Variants in TMEFF2 observed in about 807,000 individuals in gnomAD.
TMEFF2 encodes the protein transmembrane protein with EGF like and two follistatin like domains 2.
In TMEFF2, 28 loss-of-function variants were observed where a neutral mutation model predicts 53.8. The ratio of observed to expected loss-of-function variants is 0.52; its 90% confidence interval spans 0.39 to 0.71. TMEFF2 has a LOEUF of 0.71. Ranked by LOEUF, TMEFF2 falls within the 30% of genes least tolerant of loss-of-function variation. The pLI, the probability that TMEFF2 is intolerant of heterozygous loss-of-function variation, is 0.00. For missense variants in TMEFF2, 353 were observed against 455.2 expected, an observed-to-expected ratio of 0.78 and a Z score of 2.04; for synonymous variants, 162 against 166.3, an observed-to-expected ratio of 0.97 and a Z score of 0.20.
chr2:191,953,455 ATCTT>A (rs1212358708), intron 9 of TMEFF2, among the ~76,000 whole-genome samples: 1 of 152,194 alleles, frequency 6.6e-6, no homozygotes, highest in Non-Finnish European at 1.5e-5. Flanking sequence ...AAAAAAAACA[ATCTT>A]TATCATCAGG....
chr2:192,022,080 T>A (rs1162722510), intron 5 of TMEFF2: 1 of 152,216 alleles, frequency 6.6e-6, no homozygotes, highest in African/African-American at 2.4e-5. Flanking sequence ...TACCCATTAG[T>A]CTCTGCACAT....
At chr2:192,046,570 T>G (rs1047514108) in intron 5 of TMEFF2, among the ~76,000 whole-genome samples, 8 of 152,178 alleles carry the variant, frequency 5.3e-5, no homozygotes, top group Non-Finnish European at 1.2e-4. Flanking sequence ...CACCTTCCAC[T>G]ATTATCTCTA....
In TMEFF2 at chr2:191,953,785, G is replaced by A. The variant is rs189419176; in HGVS notation, c.922C>T (p.Leu308=). 6.2e-6 allele frequency: 10 copies of A among 1,611,134 alleles called. No homozygotes were observed. In the African/African-American group the frequency reaches 8.0e-5, roughly 13 times the overall value. ...CGTACAGGACCGGGAACAACGTATA[G>A]AACACTGTAGTCCTTTTTTTCACAG... ...QHCEKKDYSV[L]YVVPGPVRFQ... is the part of the protein sequence containing the mutation. Residue 308 remains leucine (L), a synonymous_variant, in exon 9 of 10, where the codon CTA becomes TTA. Transcript: ENST00000272771.
chr2:192,190,365 GA>G (rs557436327), intron 2 of TMEFF2, among the ~76,000 whole-genome samples: 1 of 152,130 alleles, frequency 6.6e-6, no homozygotes, highest in East Asian at 1.9e-4. Flanking sequence ...GGGAAAGAAG[GA>G]AAAAATTCAC....
intron 4 of TMEFF2, among the ~76,000 whole-genome samples, chr2:192,090,923 A>G (rs1348219479): frequency 1.3e-5 from 2 of 152,152 alleles, no homozygotes; most frequent in African/African-American, 4.8e-5. Flanking sequence ...TAAAACTGGC[A>G]AGACATTACA....
chr2:192,165,305 A>G (rs1018533583), intron 4 of TMEFF2, among the ~76,000 whole-genome samples: 2 of 152,156 alleles, frequency 1.3e-5, no homozygotes, highest in Non-Finnish European at 1.5e-5. Context: ...ACACTACCTG[A>G]TGTTGCATAA....
chr2:192,053,105 G>A (rs1180318049), intron 5 of TMEFF2, among the ~76,000 whole-genome samples: 1 of 152,084 alleles, frequency 6.6e-6, no homozygotes. Flanking sequence ...ATAAACTACG[G>A]TCTTAGATTA....
At position 191,955,524 on chromosome 2, in the gene TMEFF2, ATTTT is replaced by A. The variant is rs71405028; in HGVS notation, c.869+727_869+730del. Among the ~76,000 whole-genome samples, 109 of 60,294 alleles carry A rather than the reference ATTTT, an allele frequency of 1.8e-3. 5 individuals are homozygous for A. Among genetic ancestry groups the A allele is most frequent in the African/African-American group, 6.1e-3 (92 of 15,188 alleles). The allele number at this position is 60,294 out of a possible 152,430, so 39.6% of individuals were successfully genotyped here. ...TGCCACCGTGCCTGGCTAATTCTTAATTTTTTTTTTTTTTTTTTTTTTTTAGAGA... is the reference window on the plus strand; with the variant it reads ...TGCCACCGTGCCTGGCTAATTCTTAATTTTTTTTTTTTTTTTTTTTAGAGA... On this transcript the variant is annotated intron_variant, in intron 8 of 9. Transcript: ENST00000272771.
chr2:192,168,344 C>T (rs1690821586), intron 4 of TMEFF2, among the ~76,000 whole-genome samples: 1 of 152,038 alleles, frequency 6.6e-6, no homozygotes, highest in South Asian at 2.1e-4. Flanking sequence ...CCACCCCCCA[C>T]AACTGGTTCA....
intron 4 of TMEFF2, among the ~76,000 whole-genome samples, chr2:192,075,296 T>TATATAAATATATAA (rs1559114949): frequency 3.0e-5 from 1 of 32,972 alleles, no homozygotes; most frequent in Non-Finnish European, 6.0e-5. Flanking sequence ...TATATATATA[T>TATATAAATATATAA]ATATATATAT....
chr2:192,055,774 CAAAAAAAAAAA>C (rs71405038), intron 5 of TMEFF2, among the ~76,000 whole-genome samples: 19 of 42,504 alleles, frequency 4.5e-4, no homozygotes, highest in African/African-American at 1.5e-3. Flanking sequence ...GACTCCATCT[CAAAAAAAAAAA>C]AAAAAAAAAA....
At chr2:192,134,501 C>T (rs1376786857) in intron 4 of TMEFF2, among the ~76,000 whole-genome samples, 2 of 152,174 alleles carry the variant, frequency 1.3e-5, no homozygotes, top group East Asian at 1.9e-4. Flanking sequence ...TCCTTTCCAT[C>T]GTGGAAATCT....
At chr2:191,998,462 T>G in intron 6 of TMEFF2, 141 bp from the exon 7 acceptor site, 1 of 500,964 alleles carries the variant, frequency 2.0e-6, no homozygotes, top group South Asian at 3.3e-5. Context: ...TGCATCATAC[T>G]AAGACAGATT....
intron 4 of TMEFF2, among the ~76,000 whole-genome samples, chr2:192,129,067 C>G (rs888897191): frequency 1.3e-5 from 2 of 152,132 alleles, no homozygotes; most frequent in Non-Finnish European, 2.9e-5. Flanking sequence ...AATCTTAACA[C>G]CCCCTGGCCT....
At chr2:192,071,712 T>C (rs1688297647) in intron 4 of TMEFF2, among the ~76,000 whole-genome samples, 2 of 151,906 alleles carry the variant, frequency 1.3e-5, no homozygotes, top group African/African-American at 4.8e-5. Flanking sequence ...CTACTTATAC[T>C]ACTACAATGT....
intron 5 of TMEFF2, among the ~76,000 whole-genome samples, chr2:192,040,880 A>G (rs115013389): frequency 0.014 from 2,101 of 152,284 alleles, 62 homozygotes; most frequent in African/African-American, 0.047. Flanking sequence ...ATGAAAGGCT[A>G]GTCTTTTCAA....
chr2:191,972,308 C>CCTTTTT (rs1692669457), intron 7 of TMEFF2, among the ~76,000 whole-genome samples: 1 of 72,830 alleles, frequency 1.4e-5, no homozygotes, highest in African/African-American at 6.0e-5. Context: ...TCATGCCCAG[C>CCTTTTT]TTTTTTTTTT....
intron 4 of TMEFF2, among the ~76,000 whole-genome samples, chr2:192,078,068 A>G (rs1384509766): frequency 6.6e-6 from 1 of 152,134 alleles, no homozygotes; most frequent in African/African-American, 2.4e-5. Context: ...TAAACACTTA[A>G]GAAAAGGAAA....
At chr2:192,156,481 C>T (rs1208702868) in intron 4 of TMEFF2, among the ~76,000 whole-genome samples, 2 of 151,806 alleles carry the variant, frequency 1.3e-5, no homozygotes, top group Non-Finnish European at 2.9e-5. Context: ...ATCCTTATAC[C>T]CTACTGCCTC....
Sources: gnomAD v4.1 joint callset for allele counts (sites outside exome capture counted in the v4.1 genomes callset) on GRCh38, gnomAD v4.1.1 for gene constraint, MANE v1.5 for transcripts, NCBI Gene and HGNC (gene_info 2026-07-23, HGNC 2026-07-21) for gene names.